The following STK3 variants were observed in gnomAD, a reference collection of about 807,000 sequenced individuals.
STK3 encodes serine/threonine kinase 3, also known as serine/threonine-protein kinase 3.
Under a neutral mutation model 58.0 loss-of-function variants are expected in STK3, and 41 were observed. That is an observed-to-expected ratio of 0.71 (90% CI 0.55 to 0.92). The LOEUF (loss-of-function observed/expected upper bound fraction) is 0.92, where lower values mean the gene tolerates loss of function less well. Ranked by LOEUF, STK3 falls within the 40% of genes least tolerant of loss-of-function variation. STK3 has a pLI of 0.00. For missense variants in STK3, 479 were observed against 602.7 expected, an observed-to-expected ratio of 0.79 and a Z score of 2.15; for synonymous variants, 170 against 191.0, an observed-to-expected ratio of 0.89 and a Z score of 0.91.
chr8:98,491,195 G>C (rs1014968179), intron 10 of STK3, among the ~76,000 whole-genome samples: 37 of 148,666 alleles, frequency 2.5e-4, no homozygotes, highest in Admixed American at 1.7e-3. Context: ...GAGAGAGAGA[G>C]AGAGACAGAG....
rs1002094857 is a variant in STK3 at position 98,523,732 on chromosome 8, T to C, written c.1317+3010A>G. On this transcript the variant is annotated intron_variant, in intron 10 of 10. Transcript: ENST00000419617. Reference sequence around the variant, plus strand: ...TTTTTTTTTTGTTGCTGTTGAGTTGTAGGAGTTCATTATACATTATGAATA... The same window carrying C: ...TTTTTTTTTTGTTGCTGTTGAGTTGCAGGAGTTCATTATACATTATGAATA... Among the ~76,000 whole-genome samples the C allele has an allele frequency of 2.0e-5, 3 of 152,186 alleles. No individual in the cohort carries two copies. The East Asian group carries it at 5.8e-4, about 29-fold the overall frequency.
chr8:98,632,342 A>G (rs1025251468), intron 6 of STK3, among the ~76,000 whole-genome samples: 2 of 152,356 alleles, frequency 1.3e-5, no homozygotes, highest in East Asian at 3.9e-4. Context: ...ACAAATGAAC[A>G]TGTGAAAAAC....
chr8:98,513,451 G>A (rs1272666483), intron 10 of STK3, among the ~76,000 whole-genome samples: 4 of 152,196 alleles, frequency 2.6e-5, no homozygotes, highest in African/African-American at 9.7e-5. Flanking sequence ...CAGCTGGACT[G>A]AATACTGAAT....
At chr8:98,353,176 G>T in the STK3 span, among the ~76,000 whole-genome samples, 1 of 152,106 alleles carries the variant, frequency 6.6e-6, no homozygotes, top group Non-Finnish European at 1.5e-5. Flanking sequence ...TGTGCATAAG[G>T]TGTATATGAA....
intron 3 of STK3, among the ~76,000 whole-genome samples, chr8:98,766,334 A>C (rs1830945248): frequency 6.6e-6 from 1 of 152,242 alleles, no homozygotes; most frequent in African/African-American, 2.4e-5. Context: ...GTGAATGTTG[A>C]ATGAATTAGA....
downstream of STK3, among the ~76,000 whole-genome samples, chr8:98,400,278 C>A (rs182156464): frequency 9.4e-4 from 143 of 152,308 alleles, no homozygotes; most frequent in African/African-American, 3.2e-3. Context: ...GAAGAGCAAG[C>A]CCGTGAGCCC....
At chr8:98,401,399 T>A (rs1247341136), downstream of STK3, 1 of 152,188 alleles carries the variant, frequency 6.6e-6, no homozygotes, top group East Asian at 1.9e-4. Context: ...TTGATGCCAA[T>A]AAGTTTGAAG....
At chr8:98,691,883 G>C (rs1824434802) in intron 6 of STK3, among the ~76,000 whole-genome samples, 1 of 147,648 alleles carries the variant, frequency 6.8e-6, no homozygotes, top group African/African-American at 2.5e-5. Context: ...AGTGAGCCGA[G>C]ATCATGCCAC....
chr8:98,360,274 C>T, the STK3 span, among the ~76,000 whole-genome samples: 26 of 152,312 alleles, frequency 1.7e-4, no homozygotes, highest in Admixed American at 8.5e-4. Context: ...CTCTCTCCCA[C>T]GTTGCCCTGT....
intron 1 of STK3, among the ~76,000 whole-genome samples, chr8:98,893,482 G>T (rs1438444534): frequency 7.1e-5 from 4 of 56,438 alleles, no homozygotes; most frequent in Non-Finnish European, 1.3e-4. Context: ...AAGAAAGAAA[G>T]AAAGAGAAAG....
chr8:98,710,687 C>A (rs1826341284), intron 4 of STK3, among the ~76,000 whole-genome samples: 1 of 152,210 alleles, frequency 6.6e-6, no homozygotes. Context: ...AGGAGGCTGG[C>A]CTACCTCTGT....
At chr8:98,554,399 A>G (rs1444493672) in intron 8 of STK3, among the ~76,000 whole-genome samples, 2 of 152,136 alleles carry the variant, frequency 1.3e-5, no homozygotes, top group Non-Finnish European at 2.9e-5. Context: ...TTAACAAGAA[A>G]CATAACATCT....
chr8:98,575,859 A>G (rs1813355628), intron 8 of STK3, among the ~76,000 whole-genome samples: 1 of 152,106 alleles, frequency 6.6e-6, no homozygotes, highest in African/African-American at 2.4e-5. Context: ...TCACTTCTTG[A>G]TAATTTATTC....
At chr8:98,346,210 G>T in the STK3 span, among the ~76,000 whole-genome samples, 2 of 151,402 alleles carry the variant, frequency 1.3e-5, no homozygotes, top group African/African-American at 2.4e-5. Context: ...GCTTGAACCT[G>T]GGAGGCAGAT....
intron 4 of STK3, among the ~76,000 whole-genome samples, chr8:98,741,830 C>T (rs906055173): frequency 2.0e-5 from 3 of 152,112 alleles, no homozygotes; most frequent in Admixed American, 6.6e-5. Context: ...AATTGATAGA[C>T]TGCTAGCAAG....
downstream of STK3, among the ~76,000 whole-genome samples, chr8:98,399,570 A>T (rs1439770637): frequency 6.6e-6 from 1 of 152,260 alleles, no homozygotes; most frequent in East Asian, 1.9e-4. Context: ...TGAAGGGAAG[A>T]CTGGCAAACA....
At chr8:98,761,778 T>C (rs1363710999) in intron 3 of STK3, among the ~76,000 whole-genome samples, 1 of 152,220 alleles carries the variant, frequency 6.6e-6, no homozygotes, top group Non-Finnish European at 1.5e-5. Flanking sequence ...ATTGCCAAAG[T>C]TCATCAATAA....
chr8:98,807,805 G>A (rs1295662634), intron 1 of STK3, among the ~76,000 whole-genome samples: 4 of 152,172 alleles, frequency 2.6e-5, no homozygotes, highest in African/African-American at 7.2e-5. Context: ...GAGAAACAGA[G>A]GCAACAGGAG....
At chr8:98,923,251 A>G (rs1426416678) in intron 1 of STK3, among the ~76,000 whole-genome samples, 2 of 152,250 alleles carry the variant, frequency 1.3e-5, no homozygotes, top group Non-Finnish European at 2.9e-5. Context: ...TATGTTAATA[A>G]GTCTGGGGAT....
Sources: allele counts gnomAD v4.1 joint callset (sites outside exome capture counted in the v4.1 genomes callset), GRCh38; gene constraint gnomAD v4.1.1; transcripts MANE v1.5; gene names NCBI Gene and HGNC (gene_info 2026-07-23, HGNC 2026-07-21).